CTNNA3: variants seen among roughly 807,000 people sequenced by gnomAD.
CTNNA3 encodes catenin alpha-3.
Under a neutral mutation model 95.7 loss-of-function variants are expected in CTNNA3, and 76 were observed. The ratio of observed to expected loss-of-function variants is 0.79; its 90% CI spans 0.66 to 0.96. The LOEUF (loss-of-function observed/expected upper bound fraction) is 0.96. Among genes scored for constraint, CTNNA3 ranks in the 40% least tolerant of loss-of-function variants. The pLI is 0.00. For synonymous variants in CTNNA3, 431 were observed against 374.4 expected (o/e 1.15, Z -1.74); for missense variants, 1,191 against 1,089.8 (o/e 1.09, Z -1.31).
At chr10:66,171,545 C>CAA (rs5785752) in intron 13 of CTNNA3, among the ~76,000 whole-genome samples, 1 of 129,468 alleles carries the variant, frequency 7.7e-6, no homozygotes. Context: ...GACTCCATCT[C>CAA]AAAAAAAAAA....
intron 9 of CTNNA3, among the ~76,000 whole-genome samples, chr10:66,682,916 G>A (rs1220739695): frequency 6.6e-6 from 1 of 152,154 alleles, no homozygotes; most frequent in East Asian, 1.9e-4. Flanking sequence ...GGAAAATGGA[G>A]GTCATGAAAA....
chr10:66,100,877 T>C (rs2133735031), intron 14 of CTNNA3, among the ~76,000 whole-genome samples: 1 of 152,350 alleles, frequency 6.6e-6, no homozygotes, highest in Middle Eastern at 3.4e-3. Context: ...GAAACTATGG[T>C]ATTATTCATC....
At chr10:67,233,225 AC>A (rs1794141168) in intron 5 of CTNNA3, among the ~76,000 whole-genome samples, 1 of 152,048 alleles carries the variant, frequency 6.6e-6, no homozygotes, top group African/African-American at 2.4e-5. Context: ...TCAGCACCAC[AC>A]CACACCTATT....
intron 12 of CTNNA3, among the ~76,000 whole-genome samples, chr10:66,330,175 G>A (rs1046778740): frequency 2.6e-5 from 4 of 151,686 alleles, no homozygotes; most frequent in African/African-American, 7.3e-5. Flanking sequence ...CCATTAACTC[G>A]TCATTTAACA....
At chr10:67,062,162 G>C (rs1855794094) in intron 7 of CTNNA3, among the ~76,000 whole-genome samples, 1 of 149,568 alleles carries the variant, frequency 6.7e-6, no homozygotes, top group Non-Finnish European at 1.5e-5. Flanking sequence ...GATGATATTT[G>C]TATCCCCATT....
intron 7 of CTNNA3, among the ~76,000 whole-genome samples, chr10:66,814,474 G>A (rs921766843): frequency 2.0e-5 from 3 of 152,074 alleles, no homozygotes; most frequent in African/African-American, 7.2e-5. Context: ...TGGGTGCAGT[G>A]GCTCAGCTGG....
chr10:66,971,424 C>T (rs1169623112), intron 7 of CTNNA3, among the ~76,000 whole-genome samples: 1 of 24,766 alleles, frequency 4.0e-5, no homozygotes, highest in Non-Finnish European at 3.7e-4. Context: ...GAGACTCCGT[C>T]TCAAAAAAAA....
At chr10:66,946,155 G>A (rs1848264628) in intron 7 of CTNNA3, among the ~76,000 whole-genome samples, 1 of 152,084 alleles carries the variant, frequency 6.6e-6, no homozygotes, top group Admixed American at 6.6e-5. Context: ...TATCTGCAAA[G>A]TGCAATAAAA....
At chr10:66,636,047 G>C (rs1845324374) in intron 9 of CTNNA3, among the ~76,000 whole-genome samples, 1 of 149,402 alleles carries the variant, frequency 6.7e-6, no homozygotes, top group Non-Finnish European at 1.5e-5. Context: ...GAGTGGAAGA[G>C]AGGCAAGCAC....
intron 4 of CTNNA3, among the ~76,000 whole-genome samples, chr10:67,532,029 A>T (rs2133185199): frequency 6.6e-6 from 1 of 152,206 alleles, no homozygotes; most frequent in East Asian, 1.9e-4. Flanking sequence ...CCTCACAATC[A>T]TGGAATCCAC....
At chr10:66,760,625 A>G (rs1039726005) in intron 9 of CTNNA3, among the ~76,000 whole-genome samples, 1 of 152,158 alleles carries the variant, frequency 6.6e-6, no homozygotes, top group African/African-American at 2.4e-5. Flanking sequence ...TGATTGTGGG[A>G]AGGCTCTTAC....
chr10:66,570,275 ATTTGTTTTGTTTTGT>A (rs59062164), intron 10 of CTNNA3, among the ~76,000 whole-genome samples: 192 of 151,138 alleles, frequency 1.3e-3, no homozygotes, highest in African/African-American at 4.4e-3. Flanking sequence ...CAAAAATATG[ATTTGTTTTGTTTTGT>A]TTTGTTTTGT....
In CTNNA3 at chr10:66,564,022, G is replaced by T. The variant is rs535466620; in HGVS notation, c.1375-43249C>A. Among the ~76,000 whole-genome samples the T allele has an allele frequency of 3.9e-5, 6 of 152,112 alleles. No homozygotes were observed. In the South Asian group the frequency reaches 1.2e-3, roughly 32 times the overall value. Reference sequence around the variant, plus strand: ...CCAAGCTGTACCTCCACCACCTTGGGCACATGTTGTCAGGACCTCCTGAGG... The same window carrying T: ...CCAAGCTGTACCTCCACCACCTTGGTCACATGTTGTCAGGACCTCCTGAGG... On this transcript the variant is annotated intron_variant, in intron 10 of 17. Coordinates refer to ENST00000433211, the MANE Select transcript of CTNNA3 (RefSeq NM_013266.4).
intron 7 of CTNNA3, among the ~76,000 whole-genome samples, chr10:66,847,254 G>T (rs1843313929): frequency 6.6e-6 from 1 of 152,112 alleles, no homozygotes; most frequent in Non-Finnish European, 1.5e-5. Context: ...CAGCATTCTT[G>T]TCATGGTGTG....
intron 13 of CTNNA3, among the ~76,000 whole-genome samples, chr10:66,136,670 C>T (rs1406978550): frequency 6.6e-6 from 1 of 151,870 alleles, no homozygotes; most frequent in Non-Finnish European, 1.5e-5. Flanking sequence ...TGGCCTACTT[C>T]CAGCTATTAA....
intron 7 of CTNNA3, among the ~76,000 whole-genome samples, chr10:66,800,491 G>T (rs1291223505): frequency 6.7e-6 from 1 of 149,982 alleles, no homozygotes; most frequent in East Asian, 1.9e-4. Flanking sequence ...AAAAAACAAT[G>T]AAACAGGCAA....
intron 5 of CTNNA3, among the ~76,000 whole-genome samples, chr10:67,347,064 AT>A (rs553377037): frequency 0.15 from 22,252 of 143,934 alleles, 2,421 homozygotes; most frequent in African/African-American, 0.33. Context: ...TAATCCTAGA[AT>A]TTTTTTTTTT....
chr10:67,658,736 T>G (rs984353983), intron 1 of CTNNA3, among the ~76,000 whole-genome samples: 1 of 152,212 alleles, frequency 6.6e-6, no homozygotes, highest in African/African-American at 2.4e-5. Flanking sequence ...AACTGTTAGA[T>G]GCACTAAGTG....
intron 7 of CTNNA3, among the ~76,000 whole-genome samples, chr10:67,015,033 G>A (rs59196649): frequency 0.016 from 2,465 of 151,986 alleles, 85 homozygotes; most frequent in African/African-American, 0.055. Flanking sequence ...TTTCTACAAG[G>A]GCACTCCAAA....
Sources: gnomAD v4.1 joint callset for allele counts (sites outside exome capture counted in the v4.1 genomes callset) on GRCh38, gnomAD v4.1.1 for gene constraint, MANE v1.5 for transcripts, NCBI Gene and HGNC (gene_info 2026-07-23, HGNC 2026-07-21) for gene names.